GRAMD4: variants seen among roughly 807,000 people sequenced by gnomAD.
GRAMD4 encodes GRAM domain-containing protein 4.
Under a neutral mutation model 83.9 loss-of-function variants are expected in GRAMD4, and 25 were observed. The observed-to-expected ratio is 0.30, with a 90% CI of 0.22 to 0.42. The LOEUF is 0.42. GRAMD4 is among the 10% of genes least tolerant of loss of function. The pLI, the probability that GRAMD4 is intolerant of heterozygous loss-of-function variation, is 1.00. For missense variants in GRAMD4, 593 were observed against 788.7 expected, an observed-to-expected ratio of 0.75 and a Z score of 2.97; for synonymous variants, 336 against 320.9, an observed-to-expected ratio of 1.05 and a Z score of -0.50.
At chr22:46,618,748 GGGGA>G (rs2147128752), upstream of GRAMD4, among the ~76,000 whole-genome samples, 2 of 152,300 alleles carry the variant, frequency 1.3e-5, no homozygotes, top group African/African-American at 4.8e-5. This position sits in a 1 kb window ranked among gnomAD's most constrained non-coding sequence, Gnocchi z 5.8. Context: ...CTGGGGTCGT[GGGGA>G]GAGGTGGACA....
chr22:46,682,288 C>G, downstream of GRAMD4: 2 of 308,752 alleles, frequency 6.5e-6, no homozygotes, highest in Non-Finnish European at 9.5e-6. Context: ...CAACTCTCTA[C>G]CACATGTCAC....
chr22:46,628,089 C>G (rs1181383177), intron 2 of GRAMD4, among the ~76,000 whole-genome samples: 8 of 152,202 alleles, frequency 5.3e-5, no homozygotes, highest in Non-Finnish European at 8.8e-5. Flanking sequence ...TCACGATTCT[C>G]CGATGGTGGT....
At chr22:46,677,103 G>C (rs1253915148) in intron 18 of GRAMD4, 44 bp from the exon 19 acceptor site, 3 of 1,607,264 alleles carry the variant, frequency 1.9e-6, no homozygotes, top group Non-Finnish European at 2.5e-6. Context: ...CCTGGCGCCA[G>C]CCTGGCTGTG....
At chr22:46,681,155 C>T (rs2082668879), downstream of GRAMD4, among the ~76,000 whole-genome samples, 1 of 150,950 alleles carries the variant, frequency 6.6e-6, no homozygotes, top group Admixed American at 6.6e-5. Flanking sequence ...CCGTTGGCAG[C>T]CCACACTGAC....
Position 46,677,141 on chromosome 22 carries a change from T to A in GRAMD4, c.1633-6T>A. 6.2e-7 allele frequency: 1 copy of A among 1,612,706 alleles called. No individual in the cohort carries two copies. ...ATGCTCACTGGTGGCATTTCTTCCCTGCCAGCCGCTCGTGTTTGGTGCCAT... is the reference window on the plus strand; with the variant it reads ...ATGCTCACTGGTGGCATTTCTTCCCAGCCAGCCGCTCGTGTTTGGTGCCAT... On this transcript the variant is annotated splice_region_variant and splice_polypyrimidine_tract_variant and intron_variant, in intron 18 of 18. Transcript: ENST00000406902.
chr22:46,643,972 C>G (rs767978278), intron 3 of GRAMD4, among the ~76,000 whole-genome samples: 4 of 152,210 alleles, frequency 2.6e-5, no homozygotes, highest in African/African-American at 7.2e-5. Context: ...CCCCCATTTC[C>G]TCTCTTCCCC....
At chr22:46,666,537 A>T (rs1172868085) in intron 9 of GRAMD4, among the ~76,000 whole-genome samples, 1 of 151,974 alleles carries the variant, frequency 6.6e-6, no homozygotes, top group East Asian at 1.9e-4. Context: ...ACACTTGCTG[A>T]TGCCACTTTG....
intron 17 of GRAMD4, 76 bp downstream of exon 17, chr22:46,675,628 A>G (rs2082585550): frequency 4.1e-6 from 4 of 972,106 alleles, no homozygotes; most frequent in Middle Eastern, 2.1e-4. Flanking sequence ...GGCTTTCCCT[A>G]TAGACTTCTG....
chr22:46,613,258 G>T (rs1461681110), intron 1 of GRAMD4, among the ~76,000 whole-genome samples: 1 of 152,226 alleles, frequency 6.6e-6, no homozygotes, highest in Non-Finnish European at 1.5e-5. Context: ...CCTGTCCGAG[G>T]TCACACAGCT....
At chr22:46,584,499 G>A (rs538249590) in intron 1 of GRAMD4, among the ~76,000 whole-genome samples, 6 of 152,168 alleles carry the variant, frequency 3.9e-5, no homozygotes, top group South Asian at 4.1e-4. Flanking sequence ...AGATCAATTC[G>A]TGTCTATTCA....
chr22:46,637,162 G>A (rs1291783974), intron 2 of GRAMD4, among the ~76,000 whole-genome samples: 1 of 152,170 alleles, frequency 6.6e-6, no homozygotes, highest in Non-Finnish European at 1.5e-5. Context: ...CCGGACACAC[G>A]GGGCCAGCAC....
In GRAMD4 at chr22:46,626,901, C is replaced by A; in HGVS notation, c.102C>A (p.Asp34Glu). The A allele has an allele frequency of 1.2e-6, 2 of 1,614,182 alleles. No homozygotes were observed. The highest frequency in any genetic ancestry group is 1.1e-5 in the South Asian group (1 of 91,090). ...ATGCCTCGGACACCGAATGCAGCGA[C>A]GAAATCCCCCTGAAGGTACCGCGGA... ...SPNASDTECS[D>E]EIPLKVPRTS... is the part of the protein sequence containing the mutation. Residue 34 changes from aspartate (D) to glutamate (E), a missense_variant, in exon 2 of 19, where the codon GAC becomes GAA. By Grantham distance (45) the Asp-to-Glu change is conservative (BLOSUM62 2). Transcript: ENST00000406902.
chr22:46,591,058 T>TCTAAAAAG (rs1569247723), intron 1 of GRAMD4, among the ~76,000 whole-genome samples: 1 of 84,368 alleles, frequency 1.2e-5, no homozygotes, highest in African/African-American at 6.0e-5. Flanking sequence ...AGACTCTGTC[T>TCTAAAAAG]AAAAAGAAAA....
intron 13 of GRAMD4, among the ~76,000 whole-genome samples, chr22:46,670,681 C>T (rs1410485389): frequency 6.6e-6 from 1 of 152,220 alleles, no homozygotes; most frequent in Non-Finnish European, 1.5e-5. Flanking sequence ...TCTCGGCTCA[C>T]TGCAACCTCC....
In GRAMD4 at chr22:46,677,769, G is replaced by A. The variant is rs1184776308; in HGVS notation, c.*518G>A. 5.1e-6 allele frequency: 5 copies of A among 986,112 alleles called. No individual in the cohort carries two copies. Among genetic ancestry groups the A allele is most frequent in the Non-Finnish European group, 3.6e-6 (3 of 830,398 alleles). 61.1% of individuals were successfully genotyped at this position (986,112 alleles called of 1,614,324 possible). ...CCAACCACCGAGAAACGGGCCTGGC[G>A]GCCCTCCTTCCTCTTACATGAGACC... is the stretch of plus-strand genomic sequence containing the variant. On this transcript the variant is annotated 3_prime_UTR_variant, in exon 19 of 19. Coordinates refer to ENST00000406902, the MANE Select transcript of GRAMD4 (RefSeq NM_015124.5).
downstream of GRAMD4, among the ~76,000 whole-genome samples, chr22:46,680,272 G>T (rs895397644): frequency 1.3e-5 from 2 of 152,036 alleles, no homozygotes; most frequent in African/African-American, 4.8e-5. Flanking sequence ...ACACAGAAGG[G>T]TGCAAGGACC....
In GRAMD4 at chr22:46,633,821, C is replaced by T. The variant is rs186691316; in HGVS notation, c.163-4019C>T. ...TGGGCTGGGTGGGCTCCGGGGGTCC[C>T]GGCCGTACAGGGGGTGTTTTCTGTC... On this transcript the variant is annotated intron_variant, in intron 2 of 18. Transcript: ENST00000406902. 3.9e-3 allele frequency among the ~76,000 whole-genome samples: 588 copies of T among 152,218 alleles called. 3 individuals carry two copies. Among genetic ancestry groups the T allele is most frequent in the African/African-American group, 0.013 (553 of 41,518 alleles).
intron 1 of GRAMD4, among the ~76,000 whole-genome samples, chr22:46,613,960 A>G (rs887083218): frequency 6.6e-6 from 1 of 152,196 alleles, no homozygotes; most frequent in South Asian, 2.1e-4. Context: ...CTGTGCCCTC[A>G]TGGCCGTCAT....
chr22:46,673,026 G>A (rs1184761683), intron 14 of GRAMD4, 29 bp downstream of exon 14: 1 of 1,514,308 alleles, frequency 6.6e-7, no homozygotes, highest in Non-Finnish European at 8.8e-7. Flanking sequence ...TGCGGGGATG[G>A]GGGGATGGGG....
Sources: gnomAD v4.1 joint callset for allele counts (sites outside exome capture counted in the v4.1 genomes callset) on GRCh38, gnomAD v4.1.1 for gene constraint, Gnocchi (gnomAD v3.1) non-coding constraint, MANE v1.5 for transcripts, NCBI Gene and HGNC (gene_info 2026-07-23, HGNC 2026-07-21) for gene names.